POLH: variants seen among roughly 807,000 people sequenced by gnomAD.
POLH encodes DNA polymerase eta.
A neutral mutation model predicts 73.6 loss-of-function variants in POLH; 53 were observed. The observed-to-expected ratio is 0.72, with a 90% CI of 0.58 to 0.91. The LOEUF (loss-of-function observed/expected upper bound fraction) is 0.91. Among genes scored for constraint, POLH ranks in the 40% least tolerant of loss-of-function variants. The pLI is 0.00. For missense variants in POLH, 768 were observed against 865.4 expected (o/e 0.89, Z 1.41); for synonymous variants, 292 against 308.5 (o/e 0.95, Z 0.56).
rs181984888 is a variant in POLH, at chr6:43,619,325, G to A, written c.*4768G>A. On this transcript the variant is annotated 3_prime_UTR_variant, in exon 11 of 11. Transcript: ENST00000372236. Reference sequence around the variant, plus strand: ...GGCTGCAATAAGCCATGATTGTGCCGCTGCACTCCAGCCTGGGTGACAGTC... The same window carrying A: ...GGCTGCAATAAGCCATGATTGTGCCACTGCACTCCAGCCTGGGTGACAGTC... Among the ~76,000 whole-genome samples the A allele has an allele frequency of 1.3e-3, 166 of 132,126 alleles. 1 individual carries two copies. Among genetic ancestry groups the A allele is most frequent in the Admixed American group, 4.6e-3 (50 of 10,900 alleles). 86.7% of individuals were successfully genotyped at this position (132,126 alleles called of 152,430 possible).
intron 3 of POLH, 63 bp downstream of exon 3, chr6:43,583,204 G>C: frequency 6.8e-7 from 1 of 1,460,314 alleles, no homozygotes; most frequent in Non-Finnish European, 9.6e-7. Flanking sequence ...CATGAGGCTA[G>C]GAACTGGTGT....
Position 43,619,705 on chromosome 6 carries a change from G to A in POLH, c.*5148G>A, listed in dbSNP as rs983586376. On this transcript the variant is annotated 3_prime_UTR_variant, in exon 11 of 11. Coordinates refer to ENST00000372236, the MANE Select transcript of POLH (RefSeq NM_006502.3). ...TTCCAAAATTTTCTTTACAATACAG[G>A]CAAAAGATAAGTAAATTGTGGACAA... Among the ~76,000 whole-genome samples, 3 of 152,132 alleles carry A rather than the reference G, an allele frequency of 2.0e-5. No homozygotes were observed. The highest frequency in any genetic ancestry group is 6.6e-5 in the Admixed American group (1 of 15,260).
chr6:43,579,914 T>A (rs4714688), intron 1 of POLH, among the ~76,000 whole-genome samples: 47,528 of 137,342 alleles, frequency 0.35, 7,976 homozygotes, highest in East Asian at 0.69. Flanking sequence ...TTTTTTTTTT[T>A]AAATTTATTT....
At chr6:43,596,178 G>A (rs539729913) in intron 4 of POLH, among the ~76,000 whole-genome samples, 1 of 152,278 alleles carries the variant, frequency 6.6e-6, no homozygotes, top group South Asian at 2.1e-4. Context: ...AAGGAAAGAA[G>A]AACAGAGTTA....
chr6:43,614,564 C>A lies in POLH; in HGVS notation c.*7C>A, dbSNP rs760184077. ...TAAGCCATTAACACATTAGTGCTGC[C>A]CTCAGGCTTGCCTGTAGGATTTAAT... is the stretch of plus-strand genomic sequence containing the variant. On this transcript the variant is annotated 3_prime_UTR_variant, in exon 11 of 11. Coordinates refer to ENST00000372236, the MANE Select transcript of POLH (RefSeq NM_006502.3). 5 of 1,610,194 alleles carry A rather than the reference C, an allele frequency of 3.1e-6. No homozygotes were observed. The highest frequency in any genetic ancestry group is 1.3e-5 in the African/African-American group (1 of 74,832).
rs1561917418 is a variant in POLH, at chr6:43,616,160, G to GTCCCAGCT, written c.*1604_*1611dup. On this transcript the variant is annotated 3_prime_UTR_variant, in exon 11 of 11. Transcript: ENST00000372236. ...CCGGGTGCGGTGGCAGGCGCCTGTA[G>GTCCCAGCT]TCCCAGCTACTCGGGAGGCTGAGGC... 1.3e-5 allele frequency among the ~76,000 whole-genome samples: 2 copies of GTCCCAGCT among 148,566 alleles called. No homozygotes were observed. Among genetic ancestry groups the GTCCCAGCT allele is most frequent in the Non-Finnish European group, 1.5e-5 (1 of 67,002 alleles).
rs565512423 is a variant in POLH, at chr6:43,618,941, TTTTTA to T, written c.*4393_*4397del. ...CCACCAGGCCAGCCCCAACTTCTAC[TTTTTA>T]TTTTATTTATAAATTGGGGGGGGGG... is the stretch of plus-strand genomic sequence containing the variant. On this transcript the variant is annotated 3_prime_UTR_variant, in exon 11 of 11. Transcript: ENST00000372236. Among the ~76,000 whole-genome samples, 403 of 149,534 alleles carry T rather than the reference TTTTTA, an allele frequency of 2.7e-3. 5 individuals are homozygous for T. The highest frequency in any genetic ancestry group is 6.8e-3 in the Middle Eastern group (2 of 294).
intron 2 of POLH, 125 bp from the exon 3 acceptor site, chr6:43,582,882 T>C: frequency 1.2e-6 from 1 of 810,926 alleles, no homozygotes; most frequent in Admixed American, 2.1e-5. Context: ...TTGTTTTGGA[T>C]TGAATGATGG....
At chr6:43,612,728 C>T (rs189062391) in intron 10 of POLH, among the ~76,000 whole-genome samples, 3 of 151,872 alleles carry the variant, frequency 2.0e-5, no homozygotes, top group Non-Finnish European at 4.4e-5. Context: ...CATATTTCAT[C>T]TTCTGAAATT....
intron 4 of POLH, 34 bp downstream of exon 4, chr6:43,587,523 T>C: frequency 6.8e-7 from 1 of 1,465,570 alleles, no homozygotes; most frequent in Non-Finnish European, 9.6e-7. Flanking sequence ...TTCTGCTTCC[T>C]GCCTTTGGAA....
At chr6:43,592,111 T>G (rs1416966491) in intron 4 of POLH, among the ~76,000 whole-genome samples, 4 of 152,204 alleles carry the variant, frequency 2.6e-5, no homozygotes, top group Non-Finnish European at 4.4e-5. Flanking sequence ...AGTGCCAGCA[T>G]CTTATTATAT....
Position 43,598,941 on chromosome 6 carries a change from CT to C in POLH, c.660+1078del, listed in dbSNP as rs2127796725. Reference sequence around the variant, plus strand: ...TGGAAAAAGGAGGCTAGTCTTTGCACTTACATACATTAATGTATTTCTTCTA... The same window carrying C: ...TGGAAAAAGGAGGCTAGTCTTTGCACTACATACATTAATGTATTTCTTCTA... On this transcript the variant is annotated intron_variant, in intron 5 of 10. Transcript: ENST00000372236. Among the ~76,000 whole-genome samples the C allele has an allele frequency of 2.0e-5, 3 of 148,504 alleles. No individual in the cohort carries two copies. In the South Asian group the frequency reaches 6.4e-4, roughly 32 times the overall value.
intron 3 of POLH, 150 bp downstream of exon 3, chr6:43,583,291 C>T (rs962669365): frequency 1.4e-6 from 1 of 731,018 alleles, no homozygotes; most frequent in Admixed American, 2.4e-5. Flanking sequence ...AAATGAAAAA[C>T]AGATTTTAAT....
chr6:43,602,995 CTTTTTTT>C (rs59306548), intron 6 of POLH, among the ~76,000 whole-genome samples: 28 of 114,028 alleles, frequency 2.5e-4, no homozygotes, highest in South Asian at 5.6e-4. Context: ...TTATGTATTC[CTTTTTTT>C]TTTTTTTTTT....
In POLH at chr6:43,617,118, A is replaced by G. The variant is rs1262936662; in HGVS notation, c.*2561A>G. Among the ~76,000 whole-genome samples, 10 of 152,032 alleles carry G rather than the reference A, an allele frequency of 6.6e-5. No individual in the cohort carries two copies. The highest frequency in any genetic ancestry group is 1.0e-4 in the Non-Finnish European group (7 of 67,996). The stretch of plus-strand genomic sequence containing the variant: ...GGCAGGAGAATCACTTGAACCTGGG[A>G]GGCAGAGGTTGCAGTGAGCCGAGAT... On this transcript the variant is annotated 3_prime_UTR_variant, in exon 11 of 11. Coordinates refer to ENST00000372236, the MANE Select transcript of POLH (RefSeq NM_006502.3).
In POLH at chr6:43,582,404, T is replaced by A. The variant is rs772656490; in HGVS notation, c.85T>A (p.Leu29Met). ...AGTGGAGCAGCGGCAAAATCCTCAT[T>A]TGAGGAATAAACCTTGTGCAGTTGT... ...VQVEQRQNPH[L>M]RNKPCAVVQY... Residue 29 changes from leucine (L) to methionine (M), a missense_variant, in exon 2 of 11, where the codon TTG (leucine) becomes ATG (methionine). Physicochemically the swap from Leu to Met is conservative, Grantham distance 15. Transcript: ENST00000372236. 4 of 1,613,594 alleles carry A rather than the reference T, an allele frequency of 2.5e-6. No homozygotes were observed. The East Asian group carries it at 8.9e-5, about 36-fold the overall frequency.
At position 43,617,183 on chromosome 6, in the gene POLH, C is replaced by T. The variant is rs1768405377; in HGVS notation, c.*2626C>T. Among the ~76,000 whole-genome samples the T allele has an allele frequency of 6.6e-6, 1 of 151,742 alleles. No homozygotes were observed. The highest frequency in any genetic ancestry group is 1.5e-5 in the Non-Finnish European group (1 of 67,960). ...AGCCTGGGCGATAGAGTAACTCTGT[C>T]TCAAAAAAACCCACTAGATCATCTC... On this transcript the variant is annotated 3_prime_UTR_variant, in exon 11 of 11. Coordinates refer to ENST00000372236, the MANE Select transcript of POLH (RefSeq NM_006502.3).
At chr6:43,604,983 T>C (rs1003084310) in intron 8 of POLH, among the ~76,000 whole-genome samples, 13 of 152,352 alleles carry the variant, frequency 8.5e-5, no homozygotes, top group Admixed American at 3.9e-4. Flanking sequence ...TAGGATATTA[T>C]GCTTCAAGTT....
chr6:43,608,575 C>T (rs57989888), intron 9 of POLH, among the ~76,000 whole-genome samples: 1 of 152,262 alleles, frequency 6.6e-6, no homozygotes, highest in African/African-American at 2.4e-5. Context: ...TGCTGGAGCA[C>T]AGTAATACAA....
Sources: allele counts gnomAD v4.1 joint callset (sites outside exome capture counted in the v4.1 genomes callset), GRCh38; gene constraint gnomAD v4.1.1; transcripts MANE v1.5; gene names NCBI Gene and HGNC (gene_info 2026-07-23, HGNC 2026-07-21).